The following GRIK5 variants were observed in gnomAD, a reference collection of about 807,000 sequenced individuals.
GRIK5 encodes the protein glutamate receptor ionotropic, kainate 5.
In GRIK5, 43 loss-of-function variants were observed where a neutral mutation model predicts 97.4. The ratio of observed to expected loss-of-function variants is 0.44; its 90% CI spans 0.35 to 0.57. The LOEUF (loss-of-function observed/expected upper bound fraction) is 0.57, where lower values mean the gene tolerates loss of function less well. GRIK5 is among the 20% of genes least tolerant of loss of function. The probability of loss-of-function intolerance (pLI) is 0.01; values close to 1 mark genes in which losing one functional copy is unlikely to be tolerated. For synonymous variants in GRIK5, 580 were observed against 583.5 expected (o/e 0.99, Z 0.09); for missense variants, 1,015 against 1,382.0 (o/e 0.73, Z 4.21).
intron 12 of GRIK5, among the ~76,000 whole-genome samples, chr19:42,030,100 C>T (rs2075823502): frequency 6.6e-6 from 1 of 152,188 alleles, no homozygotes; most frequent in South Asian, 2.1e-4. Flanking sequence ...ATTTAGTTAA[C>T]AATTCTTTAT....
intron 8 of GRIK5, among the ~76,000 whole-genome samples, chr19:42,056,387 G>A (rs1011657440): frequency 6.6e-6 from 1 of 152,176 alleles, no homozygotes; most frequent in African/African-American, 2.4e-5. Flanking sequence ...GCTTCTCTCG[G>A]AAAGTGCACA....
chr19:42,053,277 T>C (rs2076139676), intron 11 of GRIK5, among the ~76,000 whole-genome samples: 1 of 152,194 alleles, frequency 6.6e-6, no homozygotes, highest in Non-Finnish European at 1.5e-5. Context: ...AGATGGACAC[T>C]GAGTTGGCAT....
chr19:42,054,796 G>A (rs1376822225), intron 8 of GRIK5, among the ~76,000 whole-genome samples: 1 of 152,232 alleles, frequency 6.6e-6, no homozygotes, highest in Non-Finnish European at 1.5e-5. Context: ...TCTGGGTGAT[G>A]CAGGCCAGGG....
intron 12 of GRIK5, among the ~76,000 whole-genome samples, chr19:42,027,486 C>T (rs1429437741): frequency 2.0e-5 from 3 of 152,212 alleles, no homozygotes; most frequent in Non-Finnish European, 2.9e-5. Context: ...CTGGCAGGGC[C>T]TTGCGGGCCA....
chr19:42,049,831 C>T (rs1326775844), intron 11 of GRIK5, among the ~76,000 whole-genome samples: 2 of 152,134 alleles, frequency 1.3e-5, no homozygotes, highest in Non-Finnish European at 2.9e-5. Context: ...TTGCTTGGAC[C>T]CTTTCATGAA....
At chr19:42,033,176 G>C (rs542056358) in intron 12 of GRIK5, among the ~76,000 whole-genome samples, 1 of 152,096 alleles carries the variant, frequency 6.6e-6, no homozygotes, top group South Asian at 2.1e-4. Flanking sequence ...AAATTAGCCG[G>C]GTGTGGTGGC....
chr19:42,012,580 A>G (rs1036986592), intron 15 of GRIK5, among the ~76,000 whole-genome samples: 1 of 152,110 alleles, frequency 6.6e-6, no homozygotes, highest in African/African-American at 2.4e-5. Context: ...GGTTAAAATG[A>G]AATCAGAAGA....
At position 42,021,443 on chromosome 19, in the gene GRIK5, G is replaced by A. The variant is rs1405400654; in HGVS notation, c.1729C>T (p.Pro577Ser). 1.9e-6 allele frequency: 3 copies of A among 1,601,284 alleles called. No homozygotes were observed. In the African/African-American group the frequency reaches 4.0e-5, roughly 21 times the overall value. ...ATGTGGGGGCGTGCCCGCAGGCATG[G>A]GTGTGGGTTATACCACTCATAGGGG... is the stretch of plus-strand genomic sequence containing the variant. ...LSPYEWYNPH[P>S]CLRARPHILE... Residue 577 changes from proline (P) to serine (S), a missense_variant, in exon 15 of 20, where the codon CCA becomes TCA. Pro to Ser is a moderately conservative substitution (Grantham distance 74, BLOSUM62 -1). This residue lies in a region of GRIK5 where 477 missense variants were observed against 701.1 expected (regional missense o/e 0.68). Coordinates refer to ENST00000593562, the MANE Select transcript of GRIK5 (RefSeq NM_002088.5). This position sits in a 1 kb window ranked among gnomAD's most constrained non-coding sequence, Gnocchi z 4.2.
intron 12 of GRIK5, among the ~76,000 whole-genome samples, chr19:42,038,513 C>T (rs955975509): frequency 2.0e-4 from 30 of 152,254 alleles, no homozygotes; most frequent in African/African-American, 7.2e-4. Context: ...GTCCCTCTCT[C>T]ACTGGGTGGC....
At position 42,042,575 on chromosome 19, in the gene GRIK5, T is replaced by C; in HGVS notation, c.1450A>G (p.Met484Val). 1 of 1,611,386 alleles carries C rather than the reference T, an allele frequency of 6.2e-7. No homozygotes were observed. Among genetic ancestry groups the C allele is most frequent in the Non-Finnish European group, 8.5e-7 (1 of 1,179,730 alleles). The change falls in exon 12 of 20, where the codon ATG becomes GTG. Residue 484 changes from methionine to valine, a missense_variant. Physicochemically the swap from Met to Val is conservative, Grantham distance 21. Around this residue, in one of 5 missense-constraint regions of GRIK5, gnomAD observed 477 missense variants for 701.1 expected, o/e 0.68. Transcript: ENST00000593562. This position sits in a 1 kb window ranked among gnomAD's most constrained non-coding sequence, Gnocchi z 6.9. ...ACCCGGTTGATGAGCTCGCCAACCA[T>C]GCCCGTCCAGGAGCCGTTGGGCTCG... ...APEPNGSWTG[M>V]VGELINRKAD...
chr19:42,032,348 G>A (rs548378926), intron 12 of GRIK5, among the ~76,000 whole-genome samples: 1 of 152,222 alleles, frequency 6.6e-6, no homozygotes, highest in African/African-American at 2.4e-5. Context: ...GTTGGCAAGA[G>A]TATGGGAAAT....
intron 12 of GRIK5, among the ~76,000 whole-genome samples, chr19:42,040,852 C>T (rs1257795177): frequency 1.3e-5 from 2 of 151,932 alleles, no homozygotes; most frequent in Non-Finnish European, 2.9e-5. Flanking sequence ...GCCTGGGCAA[C>T]AGAGGAGACT....
chr19:42,044,985 CTG>C (rs2076025068), intron 11 of GRIK5, among the ~76,000 whole-genome samples: 1 of 152,176 alleles, frequency 6.6e-6, no homozygotes, highest in Admixed American at 6.5e-5. Flanking sequence ...TATTGAGAAA[CTG>C]TGCTGTGCAT....
At chr19:42,020,453 G>T (rs1430819169) in intron 15 of GRIK5, among the ~76,000 whole-genome samples, 1 of 152,180 alleles carries the variant, frequency 6.6e-6, no homozygotes, top group African/African-American at 2.4e-5. Context: ...AGGCATCTGT[G>T]AAATTGTTAG....
chr19:42,047,703 A>T (rs2076059937), intron 11 of GRIK5, among the ~76,000 whole-genome samples: 1 of 151,994 alleles, frequency 6.6e-6, no homozygotes, highest in African/African-American at 2.4e-5. Context: ...AGTGCGGTGG[A>T]TCATGCCTGT....
chr19:41,999,073 C>T lies in GRIK5; in HGVS notation c.2741G>A (p.Gly914Glu). The T allele has an allele frequency of 7.7e-7, 1 of 1,298,258 alleles. No individual in the cohort carries two copies. The highest frequency in any genetic ancestry group is 4.2e-5 in the Admixed American group (1 of 23,884). The allele number at this position is 1,298,258 out of a possible 1,614,324, so 80.4% of individuals were successfully genotyped here. Residue 914 changes from glycine (G) to glutamate (E), a missense_variant, in exon 20 of 20, where the codon GGG becomes GAG. Around this residue, in one of 5 missense-constraint regions of GRIK5, gnomAD observed 109 missense variants for 100.4 expected, o/e 1.09. Coordinates refer to ENST00000593562, the MANE Select transcript of GRIK5 (RefSeq NM_002088.5). This position sits in a 1 kb window ranked among gnomAD's most constrained non-coding sequence, Gnocchi z 5.0. ...GGCGGGTCGGGCTCCGCTGGGGGGC[C>T]CCGGGTCGTCCAGGAGGCGCTGCGG... ...GGPQRLLDDPGPPSGARPAAP... is the reference protein window; with the variant it reads ...GGPQRLLDDPEPPSGARPAAP...
chr19:42,038,847 C>T (rs4803523), intron 12 of GRIK5, among the ~76,000 whole-genome samples: 25,480 of 152,220 alleles, frequency 0.17, 2,746 homozygotes, highest in Admixed American at 0.31. Context: ...CTGTGCAGCT[C>T]GGCACACTCG....
Position 42,022,554 on chromosome 19 carries a change from CTCA to C in GRIK5, c.1474-203_1474-201del. On this transcript the variant is annotated intron_variant, in intron 12 of 19. Coordinates refer to ENST00000593562, the MANE Select transcript of GRIK5 (RefSeq NM_002088.5). The surrounding 1 kb of genome is among the most constrained non-coding windows in gnomAD (Gnocchi z 4.2). ...ATCGGACCCTCATCGCATGTCCATC[CTCA>C]TCATCTCACGTCTCCAGACACACTG... The C allele has an allele frequency of 2.0e-6, 2 of 985,266 alleles. No individual in the cohort carries two copies. The highest frequency in any genetic ancestry group is 2.4e-6 in the Non-Finnish European group (2 of 829,894). The allele number at this position is 985,266 out of a possible 1,614,324, so 61.0% of individuals were successfully genotyped here.
At chr19:42,012,277 GTCTC>G (rs1568886657) in intron 15 of GRIK5, among the ~76,000 whole-genome samples, 1 of 152,046 alleles carries the variant, frequency 6.6e-6, no homozygotes, top group Non-Finnish European at 1.5e-5. Flanking sequence ...TGGAGACAGA[GTCTC>G]TCTCTGTTGC....
Sources: gnomAD v4.1 joint callset for allele counts (sites outside exome capture counted in the v4.1 genomes callset) on GRCh38, gnomAD v4.1.1 for gene constraint, gnomAD v4.1.1 regional missense constraint, Gnocchi (gnomAD v3.1) non-coding constraint, MANE v1.5 for transcripts, NCBI Gene and HGNC (gene_info 2026-07-23, HGNC 2026-07-21) for gene names.